URGCP: variants seen among roughly 807,000 people sequenced by gnomAD.
The protein encoded by URGCP is upregulator of cell proliferation.
In URGCP, 13 loss-of-function variants were observed where a neutral mutation model predicts 24.6. The observed-to-expected ratio is 0.53, with a 90% CI of 0.34 to 0.84. URGCP has a LOEUF of 0.84. URGCP is among the 40% of genes least tolerant of loss of function. URGCP has a pLI of 0.01. For synonymous variants in URGCP, 444 were observed against 487.2 expected (o/e 0.91, Z 1.17); for missense variants, 899 against 1,194.3 (o/e 0.75, Z 3.64).
At chr7:43,883,342 ATATATATATATATATATATATTT>A (rs1274248378) in intron 3 of URGCP, among the ~76,000 whole-genome samples, 34 of 97,124 alleles carry the variant, frequency 3.5e-4, no homozygotes, top group African/African-American at 1.8e-3. Context: ...ATATACATAT[ATATATATATATATATATATATTT>A]TTTTTTTTTT....
chr7:43,883,355 TA>T (rs1439894165), intron 3 of URGCP, among the ~76,000 whole-genome samples: 34 of 101,080 alleles, frequency 3.4e-4, no homozygotes, highest in African/African-American at 1.5e-3. Flanking sequence ...TATATATATA[TA>T]TATATATTTT....
At chr7:43,912,226 G>C (rs2095910798) in intron 1 of URGCP, among the ~76,000 whole-genome samples, 1 of 152,188 alleles carries the variant, frequency 6.6e-6, no homozygotes, top group African/African-American at 2.4e-5. Context: ...GGCCGGGCGT[G>C]GTTGCTCATG....
intron 3 of URGCP, among the ~76,000 whole-genome samples, chr7:43,884,886 T>C (rs1482424885): frequency 1.3e-5 from 2 of 152,068 alleles, no homozygotes; most frequent in Non-Finnish European, 2.9e-5. Flanking sequence ...ATAAATTATA[T>C]CGTGTGACTA....
chr7:43,922,937 T>C (rs1237404128), intron 1 of URGCP, among the ~76,000 whole-genome samples: 3 of 151,806 alleles, frequency 2.0e-5, no homozygotes, highest in Admixed American at 2.0e-4. Context: ...TTTCTTTCTT[T>C]CTTTCCTTCT....
At chr7:43,897,816 A>G (rs1284780320) in intron 1 of URGCP, among the ~76,000 whole-genome samples, 1 of 152,190 alleles carries the variant, frequency 6.6e-6, no homozygotes, top group East Asian at 1.9e-4. Flanking sequence ...CAGCAATGGC[A>G]TGTGGCTGGA....
chr7:43,892,786 C>G (rs2095872920), intron 1 of URGCP, among the ~76,000 whole-genome samples: 1 of 152,148 alleles, frequency 6.6e-6, no homozygotes, highest in Non-Finnish European at 1.5e-5. Context: ...TGTCCCACCT[C>G]TAGAGAGTGA....
chr7:43,920,246 TATAA>T (rs1160127660), intron 1 of URGCP, among the ~76,000 whole-genome samples: 1 of 152,226 alleles, frequency 6.6e-6, no homozygotes, highest in Non-Finnish European at 1.5e-5. Context: ...AAGCAGTGGA[TATAA>T]ATAAATTTTT....
intron 1 of URGCP, among the ~76,000 whole-genome samples, chr7:43,890,768 A>G (rs578077480): frequency 1.3e-5 from 2 of 152,240 alleles, no homozygotes; most frequent in South Asian, 4.1e-4. Context: ...TAGCCAGTGG[A>G]CGGGCTGGTT....
chr7:43,911,822 G>C (rs1478503951), intron 1 of URGCP, among the ~76,000 whole-genome samples: 1 of 152,056 alleles, frequency 6.6e-6, no homozygotes, highest in Non-Finnish European at 1.5e-5. Flanking sequence ...CACAAAACAA[G>C]CCTTAATACA....
rs1562574283 is a variant in URGCP, at chr7:43,881,964, G to GA, written c.113-8dup. 1 of 1,613,374 alleles carries GA rather than the reference G, an allele frequency of 6.2e-7. No homozygotes were observed. The highest frequency in any genetic ancestry group is 2.2e-5 in the East Asian group (1 of 44,866). ...ATTTCTCTCCATTCCAAATCTAGAA[G>GA]AAAAAAGAAACCAAATACATTTAGT... On this transcript the variant is annotated splice_region_variant and splice_polypyrimidine_tract_variant and intron_variant, in intron 3 of 5. Transcript: ENST00000453200.
chr7:43,882,388 T>C (rs997171366), intron 3 of URGCP, among the ~76,000 whole-genome samples: 1 of 152,188 alleles, frequency 6.6e-6, no homozygotes, highest in African/African-American at 2.4e-5. Context: ...AGGCGGGGGT[T>C]GCAGTGAGCT....
At chr7:43,886,194 C>T (rs961616079) in intron 3 of URGCP, among the ~76,000 whole-genome samples, 1 of 152,148 alleles carries the variant, frequency 6.6e-6, no homozygotes, top group African/African-American at 2.4e-5. Context: ...CACTATGTTG[C>T]GCAGGTTGGT....
rs185712087 is a variant in URGCP, at chr7:43,885,139, C to T, written c.112+2276G>A. Among the ~76,000 whole-genome samples, 132 of 150,546 alleles carry T rather than the reference C, an allele frequency of 8.8e-4. 3 individuals are homozygous for T. The highest frequency in any genetic ancestry group is 6.2e-3 in the Admixed American group (93 of 15,088). ...TTTTTTAAAGACAGTCTTGCTCTGT[C>T]GCCCAGGCTGGAGTGCAGTGGTATG... On this transcript the variant is annotated intron_variant, in intron 3 of 5. Coordinates refer to ENST00000453200, the MANE Select transcript of URGCP (RefSeq NM_001077663.3).
chr7:43,912,779 T>C (rs545975886), intron 1 of URGCP, among the ~76,000 whole-genome samples: 2 of 152,344 alleles, frequency 1.3e-5, no homozygotes, highest in African/African-American at 4.8e-5. Flanking sequence ...CAGCATTTCT[T>C]GCAGGACCAG....
chr7:43,906,390 C>T, intron 1 of URGCP, 172 bp downstream of exon 1: 1 of 754,832 alleles, frequency 1.3e-6, no homozygotes, highest in East Asian at 1.3e-4. Context: ...GCCGGTCCGC[C>T]CAAGGTCGGC....
chr7:43,925,815 T>C (rs948137402), intron 1 of URGCP, among the ~76,000 whole-genome samples: 4 of 144,838 alleles, frequency 2.8e-5, no homozygotes, highest in African/African-American at 7.6e-5. Flanking sequence ...TTTTTTTTTT[T>C]CAAAAAAATG....
chr7:43,879,306 G>A, intron 5 of URGCP, 46 bp from the exon 6 acceptor site: 1 of 1,546,436 alleles, frequency 6.5e-7, no homozygotes, highest in Non-Finnish European at 8.7e-7. Context: ...GTGTTTCTGA[G>A]CTAGGGGCCA....
chr7:43,881,878 A>C, intron 4 of URGCP, 29 bp downstream of exon 4: 1 of 1,612,728 alleles, frequency 6.2e-7, no homozygotes, highest in Non-Finnish European at 8.5e-7. Context: ...TCCCCAGTCC[A>C]ATCTGTTGCC....
intron 1 of URGCP, chr7:43,889,350 CA>C (rs2095866935): frequency 6.6e-6 from 1 of 152,122 alleles, no homozygotes; most frequent in Non-Finnish European, 1.5e-5. Context: ...ACCCTATAGC[CA>C]GTAATTTTAA....
Sources: allele counts gnomAD v4.1 joint callset (sites outside exome capture counted in the v4.1 genomes callset), GRCh38; gene constraint gnomAD v4.1.1; transcripts MANE v1.5; gene names NCBI Gene and HGNC (gene_info 2026-07-23, HGNC 2026-07-21).